The following NT5C3A variants were observed in gnomAD, a reference collection of about 807,000 sequenced individuals.
The protein encoded by NT5C3A is 5'-nucleotidase, cytosolic IIIA, also known as cytosolic 5'-nucleotidase 3A.
NT5C3A carries 23 observed loss-of-function variants against 40.0 expected under a neutral mutation model. That is an observed-to-expected ratio of 0.58 (90% CI 0.41 to 0.81). NT5C3A has a LOEUF of 0.81. Ranked by LOEUF, NT5C3A falls within the 40% of genes least tolerant of loss-of-function variation. The probability of loss-of-function intolerance (pLI) is 0.00; values close to 1 mark genes in which losing one functional copy is unlikely to be tolerated. For missense variants in NT5C3A, 328 were observed against 403.0 expected (o/e 0.81, Z 1.59); for synonymous variants, 130 against 141.4 (o/e 0.92, Z 0.57).
intron 7 of NT5C3A, chr7:33,017,118 G>C (rs1227107568): frequency 3.6e-6 from 1 of 278,564 alleles, no homozygotes; most frequent in African/African-American, 2.3e-5. Flanking sequence ...AGGAGACAGA[G>C]GTTACAATGT....
chr7:33,038,865 G>GA (rs1365565617), intron 1 of NT5C3A: 1 of 456,520 alleles, frequency 2.2e-6, no homozygotes, highest in Admixed American at 2.4e-5. Flanking sequence ...AGAGTTGCTG[G>GA]AAAAAACACA....
chr7:33,060,369 CTTTTTTTTTTTTTTT>C (rs3082829), intron 1 of NT5C3A, among the ~76,000 whole-genome samples: 1 of 78,474 alleles, frequency 1.3e-5, no homozygotes, highest in African/African-American at 5.5e-5. Flanking sequence ...TGCTTTCCTT[CTTTTTTTTTTTTTTT>C]TTTTTTTTTT....
At chr7:33,055,045 T>C (rs1034782973) in intron 1 of NT5C3A, among the ~76,000 whole-genome samples, 19 of 152,008 alleles carry the variant, frequency 1.2e-4, no homozygotes, top group Non-Finnish European at 2.4e-4. Flanking sequence ...ATACATGCTA[T>C]CGGGCATGGT....
intron 1 of NT5C3A, among the ~76,000 whole-genome samples, chr7:33,038,086 G>C (rs991091401): frequency 8.6e-5 from 13 of 151,770 alleles, no homozygotes; most frequent in Non-Finnish European, 1.8e-4. Context: ...TTTCTTTGAT[G>C]TTTAATATGT....
At position 33,015,816 on chromosome 7, in the gene NT5C3A, C is replaced by T; in HGVS notation, c.748G>A (p.Gly250Ser). 1 of 1,610,914 alleles carries T rather than the reference C, an allele frequency of 6.2e-7. No individual in the cohort carries two copies. The highest frequency in any genetic ancestry group is 8.5e-7 in the Non-Finnish European group (1 of 1,177,092). Residue 250 changes from glycine to serine, a missense_variant, in exon 8 of 9, where the codon GGT becomes AGT. Coordinates refer to ENST00000610140, the MANE Select transcript of NT5C3A (RefSeq NM_001002010.5). ...ELIHVFNKHD[G>S]ALRNTEYFNQ... ...AAATATTCTGTATTCCTCAAGGCAC[C>T]ATCATGTTTGTTAAATACATGAATT...
chr7:33,016,697 A>G (rs189379591), intron 7 of NT5C3A, among the ~76,000 whole-genome samples: 155 of 151,996 alleles, frequency 1.0e-3, no homozygotes, highest in African/African-American at 3.5e-3. Flanking sequence ...AGGTAAAACA[A>G]AATGAGTTCA....
At chr7:33,032,423 CAAAA>C (rs34501041) in intron 1 of NT5C3A, among the ~76,000 whole-genome samples, 1,596 of 94,824 alleles carry the variant, frequency 0.017, 31 homozygotes, top group African/African-American at 0.062. Flanking sequence ...ACTCGGTCTC[CAAAA>C]AAAAAAAAAA....
intron 2 of NT5C3A, among the ~76,000 whole-genome samples, chr7:33,026,539 A>G (rs1390280388): frequency 1.3e-5 from 2 of 151,842 alleles, no homozygotes; most frequent in African/African-American, 2.4e-5. Context: ...ATTTTTTAGT[A>G]GAGACAGAGT....
Position 33,015,793 on chromosome 7 carries a change from A to G in NT5C3A, c.771T>C (p.Tyr257=). The stretch of plus-strand genomic sequence containing the variant: ...TACTATTGTCTTTTAGTTGATTGAA[A>G]TATTCTGTATTCCTCAAGGCACCAT... ...KHDGALRNTE[Y]FNQLKDNSNI... is the part of the protein sequence containing the mutation. Residue 257 remains tyrosine, a synonymous_variant, in exon 8 of 9, where the codon TAT becomes TAC. Transcript: ENST00000610140. 1 of 1,610,552 alleles carries G rather than the reference A, an allele frequency of 6.2e-7. No individual in the cohort carries two copies. The highest frequency in any genetic ancestry group is 8.5e-7 in the Non-Finnish European group (1 of 1,176,720).
intron 1 of NT5C3A, among the ~76,000 whole-genome samples, chr7:33,045,253 T>C (rs1787098295): frequency 6.6e-6 from 1 of 152,168 alleles, no homozygotes; most frequent in African/African-American, 2.4e-5. Flanking sequence ...TTTTTAAACA[T>C]GCAAAACATC....
chr7:33,036,718 A>G (rs1370434796), intron 1 of NT5C3A, among the ~76,000 whole-genome samples: 2 of 152,234 alleles, frequency 1.3e-5, no homozygotes, highest in African/African-American at 4.8e-5. Flanking sequence ...ATATAGGAAT[A>G]TACAGACAGA....
At chr7:33,022,285 C>A (rs72555739) in intron 3 of NT5C3A, among the ~76,000 whole-genome samples, 186 bp from the exon 4 acceptor site, 1 of 152,276 alleles carries the variant, frequency 6.6e-6, no homozygotes, top group Non-Finnish European at 1.5e-5. Flanking sequence ...GTATAATTCA[C>A]ATGACATTGT....
intron 1 of NT5C3A, among the ~76,000 whole-genome samples, chr7:33,034,841 C>A (rs1031683847): frequency 6.6e-5 from 10 of 152,102 alleles, no homozygotes; most frequent in African/African-American, 2.4e-4. Context: ...AGAGGAGGCA[C>A]AACAATAATA....
At chr7:33,059,433 A>G (rs748474019) in intron 1 of NT5C3A, among the ~76,000 whole-genome samples, 4 of 152,088 alleles carry the variant, frequency 2.6e-5, no homozygotes, top group Non-Finnish European at 5.9e-5. Context: ...CAAACCTGCC[A>G]TTTTTTCCTT....
intron 1 of NT5C3A, among the ~76,000 whole-genome samples, chr7:33,035,198 T>TTG (rs1370384012): frequency 1.4e-5 from 2 of 146,896 alleles, no homozygotes; most frequent in East Asian, 4.0e-4. Context: ...AGTTTTTTTT[T>TTG]TTTTTTTTTT....
intron 6 of NT5C3A, 64 bp downstream of exon 6, chr7:33,019,571 C>T (rs1238748563): frequency 1.1e-6 from 1 of 949,346 alleles, no homozygotes; most frequent in African/African-American, 1.6e-5. Flanking sequence ...GTACAACTGA[C>T]TACATAAATA....
chr7:33,036,794 T>G (rs1023275276), intron 1 of NT5C3A, among the ~76,000 whole-genome samples: 3 of 151,982 alleles, frequency 2.0e-5, no homozygotes, highest in African/African-American at 7.2e-5. Flanking sequence ...ATTAAAATTT[T>G]ATTTTTATTT....
intron 1 of NT5C3A, among the ~76,000 whole-genome samples, chr7:33,039,258 C>A (rs905934582): frequency 6.6e-6 from 1 of 152,008 alleles, no homozygotes; most frequent in African/African-American, 2.4e-5. Flanking sequence ...CTTAAAGTAC[C>A]TGAATGCAAA....
chr7:33,040,658 A>G (rs1218133987), intron 1 of NT5C3A, among the ~76,000 whole-genome samples: 1 of 152,210 alleles, frequency 6.6e-6, no homozygotes, highest in Non-Finnish European at 1.5e-5. Flanking sequence ...ATTAGAACAT[A>G]TAAAATGTAA....
Sources: allele counts gnomAD v4.1 joint callset (sites outside exome capture counted in the v4.1 genomes callset), GRCh38; gene constraint gnomAD v4.1.1; transcripts MANE v1.5; gene names NCBI Gene and HGNC (gene_info 2026-07-23, HGNC 2026-07-21).